The following HIF1A variants were observed in gnomAD, a reference collection of about 807,000 sequenced individuals.
HIF1A encodes hypoxia-inducible factor 1-alpha.
In HIF1A, 24 loss-of-function variants were observed where a neutral mutation model predicts 92.7. That is an observed-to-expected ratio of 0.26 (90% confidence interval 0.19 to 0.36). The LOEUF is 0.36. Among genes scored for constraint, HIF1A ranks in the 10% least tolerant of loss-of-function variants. The pLI is 1.00. For synonymous variants in HIF1A, 319 were observed against 338.7 expected (o/e 0.94, Z 0.64); for missense variants, 799 against 998.5 (o/e 0.80, Z 2.69).
rs143983514 is a variant in HIF1A at position 61,714,249 on chromosome 14, T to C, written c.36-6133T>C. ...AAAACACTCAGGTTAGTAAACAGTC[T>C]TATGCAAACAGCAAGACAATGCTCA... is the stretch of plus-strand genomic sequence containing the variant. On this transcript the variant is annotated intron_variant, in intron 1 of 14. Transcript: ENST00000337138. Among the ~76,000 whole-genome samples the C allele has an allele frequency of 1.3e-3, 199 of 152,292 alleles. 1 individual carries two copies. The highest frequency in any genetic ancestry group is 4.5e-3 in the African/African-American group (188 of 41,558).
intron 1 of HIF1A, among the ~76,000 whole-genome samples, chr14:61,701,278 A>G (rs955361584): frequency 2.7e-5 from 4 of 148,318 alleles, no homozygotes; most frequent in Admixed American, 6.6e-5. Flanking sequence ...ATTTCAACAT[A>G]TGATTTTGAA....
Position 61,695,650 on chromosome 14 carries a change from G to A in HIF1A, c.-155G>A. 1.3e-6 allele frequency: 1 copy of A among 779,558 alleles called. No homozygotes were observed. Among genetic ancestry groups the A allele is most frequent in the Non-Finnish European group, 2.0e-6 (1 of 496,552 alleles). 48.3% of individuals were successfully genotyped at this position (779,558 alleles called of 1,614,324 possible). Reference sequence around the variant, plus strand: ...GCCCGGACCCCGGCGATTGCCGCCCGCTTCTCTCTAGTCTCACGAGGGGTT... The same window carrying A: ...GCCCGGACCCCGGCGATTGCCGCCCACTTCTCTCTAGTCTCACGAGGGGTT... On this transcript the variant is annotated 5_prime_UTR_variant, in exon 1 of 15. Coordinates refer to ENST00000337138, the MANE Select transcript of HIF1A (RefSeq NM_001530.4).
chr14:61,715,320 G>T (rs2044351694), intron 1 of HIF1A, among the ~76,000 whole-genome samples: 1 of 152,216 alleles, frequency 6.6e-6, no homozygotes, highest in East Asian at 1.9e-4. Flanking sequence ...CCAAGAAAGA[G>T]CCTGGTTCTG....
chr14:61,726,572 T>C, intron 4 of HIF1A, 134 bp from the exon 5 acceptor site: 1 of 548,308 alleles, frequency 1.8e-6, no homozygotes, highest in Non-Finnish European at 3.3e-6. Flanking sequence ...AAAAGGGGAA[T>C]GAATTACTGT....
chr14:61,745,468 TATA>T, intron 13 of HIF1A: 1 of 540,494 alleles, frequency 1.9e-6, no homozygotes, highest in South Asian at 2.1e-5. Context: ...TCAATGGTGG[TATA>T]ATACATTCTG....
In HIF1A at chr14:61,738,355, T is replaced by C. The variant is rs2044664895; in HGVS notation, c.1518T>C (p.Thr506=). ...CACCTAGTCCTTCCGATGGAAGCACTAGACAAAGTTCACCTGAGGTAGGTG... is the reference window on the plus strand; with the variant it reads ...CACCTAGTCCTTCCGATGGAAGCACCAGACAAAGTTCACCTGAGGTAGGTG... ...DQTPSPSDGS[T]RQSSPEPNSP... is the part of the protein sequence containing the mutation. The change falls in exon 10 of 15, where the codon ACT becomes ACC. Residue 506 remains threonine, a synonymous_variant. Transcript: ENST00000337138. 6.2e-7 allele frequency: 1 copy of C among 1,606,286 alleles called. No individual in the cohort carries two copies. Among genetic ancestry groups the C allele is most frequent in the Non-Finnish European group, 8.5e-7 (1 of 1,176,134 alleles).
rs147642291 is a variant in HIF1A at position 61,724,349 on chromosome 14, T to TTCTCTCTCTCTCTCTCTCTCTCTC, written c.458-2348_458-2325dup. On this transcript the variant is annotated intron_variant, in intron 4 of 14. Transcript: ENST00000337138. ...CCTACACACACACGACACACACACATTCTCTCTCTCTCTCTCTCTCTCTCT... is the reference window on the plus strand; with the variant it reads ...CCTACACACACACGACACACACACATTCTCTCTCTCTCTCTCTCTCTCTCTCTCTCTCTCTCTCTCTCTCTCTCT... 2.0e-3 allele frequency among the ~76,000 whole-genome samples: 190 copies of TTCTCTCTCTCTCTCTCTCTCTCTC among 96,108 alleles called. 11 individuals are homozygous for TTCTCTCTCTCTCTCTCTCTCTCTC. The highest frequency in any genetic ancestry group is 4.3e-3 in the South Asian group (10 of 2,324). 63.1% of individuals were successfully genotyped at this position (96,108 alleles called of 152,430 possible). A position where few individuals can be genotyped will look rare whatever the true frequency, so the allele number is the denominator to read the frequency against.
Position 61,746,992 on chromosome 14 carries a change from C to T in HIF1A, c.2388C>T (p.Thr796=). The change falls in exon 15 of 15, where the codon ACC becomes ACT. Residue 796 remains threonine (T), a synonymous_variant. Transcript: ENST00000337138. The part of the protein sequence containing the change: ...SMDESGLPQL[T]SYDCEVNAPI... Reference sequence around the variant, plus strand: ...ATGAAAGTGGATTACCACAGCTGACCAGTTATGATTGTGAAGTTAATGCTC... The same window carrying T: ...ATGAAAGTGGATTACCACAGCTGACTAGTTATGATTGTGAAGTTAATGCTC... The T allele has an allele frequency of 6.2e-7, 1 of 1,613,524 alleles. No homozygotes were observed. Among genetic ancestry groups the T allele is most frequent in the Non-Finnish European group, 8.5e-7 (1 of 1,179,554 alleles).
rs114619775 is a variant in HIF1A, at chr14:61,700,731, C to A, written c.35+4892C>A. Among the ~76,000 whole-genome samples, 631 of 152,286 alleles carry A rather than the reference C, an allele frequency of 4.1e-3. 3 individuals carry two copies. The highest frequency in any genetic ancestry group is 0.014 in the African/African-American group (596 of 41,560). The stretch of plus-strand genomic sequence containing the variant: ...ATATTGTTTTCTATAGCAGTTGCAC[C>A]AGTTTACATTCCCACCAACAGTGCA... On this transcript the variant is annotated intron_variant, in intron 1 of 14. Coordinates refer to ENST00000337138, the MANE Select transcript of HIF1A (RefSeq NM_001530.4).
Position 61,747,155 on chromosome 14 carries a change from T to C in HIF1A, c.*70T>C. The stretch of plus-strand genomic sequence containing the variant: ...TTACCTAAAGCAGTCTATTTATATT[T>C]TCTACATCTAATTTTAGAAGCCTGG... On this transcript the variant is annotated 3_prime_UTR_variant, in exon 15 of 15. Coordinates refer to ENST00000337138, the MANE Select transcript of HIF1A (RefSeq NM_001530.4). 7.4e-7 allele frequency: 1 copy of C among 1,353,018 alleles called. No homozygotes were observed. The allele number at this position is 1,353,018 out of a possible 1,614,324, so 83.8% of individuals were successfully genotyped here. A position where few individuals can be genotyped will look rare whatever the true frequency, so the allele number is the denominator to read the frequency against.
In HIF1A at chr14:61,740,586, T is replaced by C; in HGVS notation, c.1618T>C (p.Phe540Leu). ...CAAGTTGGAATTGGTAGAAAAACTT[T>C]TTGCTGAAGACACAGAAGCAAAGAA... Reference protein sequence around the residue: ...EFKLELVEKLFAEDTEAKNPF... With the variant: ...EFKLELVEKLLAEDTEAKNPF... Residue 540 changes from phenylalanine to leucine, a missense_variant, in exon 11 of 15, where the codon TTT (phenylalanine) becomes CTT (leucine). By Grantham distance (22) the Phe-to-Leu change is conservative. Transcript: ENST00000337138. 6.2e-7 allele frequency: 1 copy of C among 1,610,654 alleles called. No individual in the cohort carries two copies. Among genetic ancestry groups the C allele is most frequent in the Non-Finnish European group, 8.5e-7 (1 of 1,178,128 alleles).
At chr14:61,719,725 CTTT>C (rs1325627191) in intron 1 of HIF1A, among the ~76,000 whole-genome samples, 1 of 152,178 alleles carries the variant, frequency 6.6e-6, no homozygotes, top group African/African-American at 2.4e-5. Flanking sequence ...TGTGCCACAG[CTTT>C]TTTTCTTCCA....
chr14:61,737,233 T>C, intron 9 of HIF1A, 124 bp downstream of exon 9: 2 of 665,808 alleles, frequency 3.0e-6, no homozygotes, highest in East Asian at 2.8e-5. Flanking sequence ...TATATGTTTA[T>C]AGTTTTCTTA....
Position 61,737,033 on chromosome 14 carries a change from G to T in HIF1A, c.1173G>T (p.Lys391Asn). ...EDTSSLFDKL[K>N]KEPDALTLLA... ...CAAGTAGCCTCTTTGACAAACTTAA[G>T]AAGGAACCTGATGCTTTAACTTTGC... The change falls in exon 9 of 15, where the codon AAG becomes AAT. Residue 391 changes from lysine to asparagine, a missense_variant. Around this residue, in one of 2 missense-constraint regions of HIF1A, gnomAD observed 516 missense variants for 721.0 expected, o/e 0.72. Coordinates refer to ENST00000337138, the MANE Select transcript of HIF1A (RefSeq NM_001530.4). 6.2e-7 allele frequency: 1 copy of T among 1,614,190 alleles called. No homozygotes were observed. The highest frequency in any genetic ancestry group is 1.1e-5 in the South Asian group (1 of 91,086).
intron 1 of HIF1A, among the ~76,000 whole-genome samples, chr14:61,702,529 T>A (rs2044190348): frequency 6.6e-6 from 1 of 151,848 alleles, no homozygotes; most frequent in African/African-American, 2.4e-5. Context: ...AGTTAAAGAA[T>A]CTCCTTTGAC....
intron 1 of HIF1A, among the ~76,000 whole-genome samples, chr14:61,707,463 C>A (rs563198580): frequency 2.6e-5 from 4 of 152,140 alleles, no homozygotes; most frequent in South Asian, 4.1e-4. Flanking sequence ...CCGCTCCCCC[C>A]ACCCCACAAC....
chr14:61,735,993 C>CT (rs10658676), intron 8 of HIF1A, among the ~76,000 whole-genome samples: 20,655 of 143,852 alleles, frequency 0.14, 1,624 homozygotes, highest in South Asian at 0.26. Flanking sequence ...TTCTTTTTTT[C>CT]TTTTTTTTTT....
chr14:61,711,491 C>A (rs957175264), intron 1 of HIF1A, among the ~76,000 whole-genome samples: 1 of 152,164 alleles, frequency 6.6e-6, no homozygotes, highest in African/African-American at 2.4e-5. Flanking sequence ...TAATCTTAAA[C>A]ACTGAACCTC....
At chr14:61,718,041 TAGCAC>T (rs2044383315) in intron 1 of HIF1A, among the ~76,000 whole-genome samples, 2 of 150,900 alleles carry the variant, frequency 1.3e-5, no homozygotes, top group African/African-American at 4.9e-5. Flanking sequence ...AAAGCATATA[TAGCAC>T]ATATTATAAG....
Sources: gnomAD v4.1 joint callset for allele counts (sites outside exome capture counted in the v4.1 genomes callset) on GRCh38, gnomAD v4.1.1 for gene constraint, gnomAD v4.1.1 regional missense constraint, MANE v1.5 for transcripts, NCBI Gene and HGNC (gene_info 2026-07-23, HGNC 2026-07-21) for gene names.